PCBP3: variants seen among roughly 807,000 people sequenced by gnomAD.
PCBP3 encodes the protein poly(rC) binding protein 3.
Under a neutral mutation model 52.7 loss-of-function variants are expected in PCBP3, and 25 were observed. That is an observed-to-expected ratio of 0.47 (90% CI 0.35 to 0.66). PCBP3 has a LOEUF of 0.66. Ranked by LOEUF, PCBP3 falls within the 30% of genes least tolerant of loss-of-function variation. The pLI is 0.01. For synonymous variants in PCBP3, 162 were observed against 183.0 expected (o/e 0.89, Z 0.93); for missense variants, 391 against 490.3 (o/e 0.80, Z 1.91).
At chr21:45,756,785 C>T (rs1054552667) in intron 4 of PCBP3, among the ~76,000 whole-genome samples, 2 of 152,170 alleles carry the variant, frequency 1.3e-5, no homozygotes, top group African/African-American at 2.4e-5. Flanking sequence ...TGATTTCTTT[C>T]ACTCAGCATA....
intron 4 of PCBP3, among the ~76,000 whole-genome samples, chr21:45,819,542 A>G (rs750735273): frequency 6.6e-6 from 1 of 152,242 alleles, no homozygotes; most frequent in African/African-American, 2.4e-5. Context: ...GCCGGCAGCC[A>G]CTGTTGTCCC....
intron 1 of PCBP3, among the ~76,000 whole-genome samples, chr21:45,660,259 C>T (rs991683953): frequency 2.2e-4 from 33 of 151,696 alleles, no homozygotes; most frequent in East Asian, 1.9e-4. Context: ...TATTAAAGAC[C>T]GTTTTTTTCT....
At chr21:45,718,803 G>A (rs768413638) in intron 2 of PCBP3, among the ~76,000 whole-genome samples, 16 of 152,082 alleles carry the variant, frequency 1.1e-4, no homozygotes, top group African/African-American at 2.4e-4. Context: ...TGCCATCTGC[G>A]TCCTATGTTT....
chr21:45,771,996 A>G (rs1424294356), intron 4 of PCBP3, among the ~76,000 whole-genome samples: 1 of 152,226 alleles, frequency 6.6e-6, no homozygotes, highest in Non-Finnish European at 1.5e-5. Flanking sequence ...TTTTTTGTTA[A>G]CCTATTTATT....
At chr21:45,906,570 A>G (rs2096212901) in intron 9 of PCBP3, among the ~76,000 whole-genome samples, 1 of 152,056 alleles carries the variant, frequency 6.6e-6, no homozygotes, top group Non-Finnish European at 1.5e-5. Context: ...GAGCCTTTAG[A>G]GGCTCTGCCC....
chr21:45,882,102 C>T (rs545817666), intron 5 of PCBP3, among the ~76,000 whole-genome samples: 3 of 152,276 alleles, frequency 2.0e-5, no homozygotes, highest in African/African-American at 7.2e-5. Context: ...TTTTGAGGAA[C>T]TTCCGTACCG....
chr21:45,718,398 T>G (rs1014926216), intron 2 of PCBP3, among the ~76,000 whole-genome samples: 2 of 152,024 alleles, frequency 1.3e-5, no homozygotes, highest in African/African-American at 4.8e-5. Flanking sequence ...CTTGTTTTAC[T>G]AATTTCTTAA....
chr21:45,813,593 C>T (rs1000998404), intron 4 of PCBP3, among the ~76,000 whole-genome samples: 3 of 152,192 alleles, frequency 2.0e-5, no homozygotes, highest in African/African-American at 7.2e-5. Context: ...AGGCATGCGC[C>T]ACAACGCCCG....
intron 4 of PCBP3, among the ~76,000 whole-genome samples, chr21:45,798,941 A>G (rs1215898028): frequency 6.6e-6 from 1 of 151,252 alleles, no homozygotes; most frequent in Non-Finnish European, 1.5e-5. Context: ...GGATGTGTAC[A>G]TGGATGAATG....
intron 1 of PCBP3, among the ~76,000 whole-genome samples, chr21:45,652,012 T>G (rs2079715410): frequency 6.6e-6 from 1 of 152,232 alleles, no homozygotes; most frequent in African/African-American, 2.4e-5. Context: ...GATCGCTCCT[T>G]TAATGTTTGG....
chr21:45,663,974 A>G (rs367838385), intron 1 of PCBP3, among the ~76,000 whole-genome samples: 9 of 147,356 alleles, frequency 6.1e-5, no homozygotes, highest in African/African-American at 2.0e-4. Context: ...ATTTTATTAT[A>G]CTGATTTTTC....
chr21:45,715,201 A>T (rs959833494), intron 2 of PCBP3, among the ~76,000 whole-genome samples: 61 of 152,180 alleles, frequency 4.0e-4, no homozygotes, highest in Non-Finnish European at 6.3e-4. Context: ...TCTCTAGATT[A>T]TATGGTTTCC....
At chr21:45,803,636 G>A (rs1056060668) in intron 4 of PCBP3, among the ~76,000 whole-genome samples, 1 of 152,206 alleles carries the variant, frequency 6.6e-6, no homozygotes, top group Non-Finnish European at 1.5e-5. Flanking sequence ...GTGCTGAGCT[G>A]CCCTGCACAG....
intron 4 of PCBP3, among the ~76,000 whole-genome samples, chr21:45,834,743 TGGTATGAAA>T (rs1326031654): frequency 6.6e-6 from 1 of 150,976 alleles, no homozygotes; most frequent in Non-Finnish European, 1.5e-5. Flanking sequence ...ACGAGGGAGG[TGGTATGAAA>T]GGTTTTTAAA....
Position 45,704,836 on chromosome 21 carries a change from C to T in PCBP3, c.-199-30556C>T, listed in dbSNP as rs1353289043. Among the ~76,000 whole-genome samples, 1 of 152,178 alleles carries T rather than the reference C, an allele frequency of 6.6e-6. No individual in the cohort carries two copies. Among genetic ancestry groups the T allele is most frequent in the Non-Finnish European group, 1.5e-5 (1 of 68,030 alleles). On this transcript the variant is annotated intron_variant, in intron 2 of 17. Coordinates refer to ENST00000681687, the MANE Select transcript of PCBP3 (RefSeq NM_001384156.1). The surrounding 1 kb of genome is among the most constrained non-coding windows in gnomAD (Gnocchi z 4.1). Reference sequence around the variant, plus strand: ...AAATGACCTAGAGAGTGATGTGATACAGTGCAGGTAGACGACACAGGGCGC... The same window carrying T: ...AAATGACCTAGAGAGTGATGTGATATAGTGCAGGTAGACGACACAGGGCGC...
At position 45,821,189 on chromosome 21, in the gene PCBP3, C is replaced by G. The variant is rs1252575635; in HGVS notation, c.-125-28772C>G. On this transcript the variant is annotated intron_variant, in intron 4 of 17. Coordinates refer to ENST00000681687, the MANE Select transcript of PCBP3 (RefSeq NM_001384156.1). The surrounding 1 kb of genome is among the most constrained non-coding windows in gnomAD (Gnocchi z 4.4). The stretch of plus-strand genomic sequence containing the variant: ...CCCCTTCCCGGTTCCCACTTTTTGC[C>G]TGGCAGGCTGGGAGGGACCCCCTCT... 1.3e-5 allele frequency among the ~76,000 whole-genome samples: 2 copies of G among 152,062 alleles called. No homozygotes were observed. The highest frequency in any genetic ancestry group is 2.9e-5 in the Non-Finnish European group (2 of 68,000).
chr21:45,724,090 G>A lies in PCBP3; in HGVS notation c.-199-11302G>A, dbSNP rs543952015. Among the ~76,000 whole-genome samples the A allele has an allele frequency of 6.6e-6, 1 of 152,196 alleles. No individual in the cohort carries two copies. The highest frequency in any genetic ancestry group is 1.5e-5 in the Non-Finnish European group (1 of 68,032). On this transcript the variant is annotated intron_variant, in intron 2 of 17. Coordinates refer to ENST00000681687, the MANE Select transcript of PCBP3 (RefSeq NM_001384156.1). This position sits in a 1 kb window ranked among gnomAD's most constrained non-coding sequence, Gnocchi z 5.3. Reference sequence around the variant, plus strand: ...AGTTAATGAGACACTCTCTCCCCCAGATCTGGAGAAATTCAGAGTCAAGGC... The same window carrying A: ...AGTTAATGAGACACTCTCTCCCCCAAATCTGGAGAAATTCAGAGTCAAGGC...
intron 13 of PCBP3, among the ~76,000 whole-genome samples, chr21:45,926,057 C>G (rs2075361413): frequency 6.6e-6 from 1 of 152,238 alleles, no homozygotes; most frequent in South Asian, 2.1e-4. Context: ...CATCATCTTT[C>G]AAAAATTGGA....
At chr21:45,826,857 G>A (rs890563971) in intron 4 of PCBP3, among the ~76,000 whole-genome samples, 1 of 152,156 alleles carries the variant, frequency 6.6e-6, no homozygotes, top group Non-Finnish European at 1.5e-5. Flanking sequence ...AGAACAAAAC[G>A]TGCTCTGCCT....
Sources: allele counts gnomAD v4.1 joint callset (sites outside exome capture counted in the v4.1 genomes callset), GRCh38; gene constraint gnomAD v4.1.1; non-coding constraint Gnocchi (gnomAD v3.1); transcripts MANE v1.5; gene names NCBI Gene and HGNC (gene_info 2026-07-23, HGNC 2026-07-21).